The following ST18 variants were observed in gnomAD, a reference collection of about 807,000 sequenced individuals.
ST18 encodes ST18 C2H2C-type zinc finger transcription factor, also known as suppression of tumorigenicity 18 protein.
Under a neutral mutation model 110.0 loss-of-function variants are expected in ST18, and 50 were observed. The ratio of observed to expected loss-of-function variants is 0.45; its 90% CI spans 0.36 to 0.58. The LOEUF (loss-of-function observed/expected upper bound fraction) is 0.58. Among genes scored for constraint, ST18 ranks in the 20% least tolerant of loss-of-function variants. The probability of loss-of-function intolerance (pLI) is 0.00; values close to 1 mark genes in which losing one functional copy is unlikely to be tolerated. For missense variants in ST18, 1,306 were observed against 1,280.1 expected (o/e 1.02, Z -0.31); for synonymous variants, 461 against 452.4 (o/e 1.02, Z -0.24).
chr8:52,285,585 T>C (rs758176104), intron 2 of ST18, among the ~76,000 whole-genome samples: 11 of 152,152 alleles, frequency 7.2e-5, no homozygotes, highest in Non-Finnish European at 1.5e-4. Flanking sequence ...TGGCTGCCAA[T>C]GACAAGAAAC....
intron 2 of ST18, among the ~76,000 whole-genome samples, chr8:52,308,229 C>T (rs999975227): frequency 6.6e-6 from 1 of 152,198 alleles, no homozygotes. Flanking sequence ...GGCGAAAAAA[C>T]CACATCGGCT....
intron 9 of ST18, among the ~76,000 whole-genome samples, chr8:52,179,763 G>A (rs2068595555): frequency 6.6e-6 from 1 of 152,004 alleles, no homozygotes; most frequent in East Asian, 1.9e-4. Flanking sequence ...GTTTAAATAT[G>A]CCCTTGAATT....
At chr8:52,396,288 C>A (rs1841109239) in intron 2 of ST18, among the ~76,000 whole-genome samples, 2 of 152,048 alleles carry the variant, frequency 1.3e-5, no homozygotes, top group South Asian at 4.2e-4. Context: ...CTCCCCATTT[C>A]CTCCCCCACC....
chr8:52,383,101 C>G (rs16917793), intron 2 of ST18, among the ~76,000 whole-genome samples: 4,811 of 152,244 alleles, frequency 0.032, 253 homozygotes, highest in African/African-American at 0.11. Context: ...GAACTTGAAG[C>G]AAGCACTTAC....
At chr8:52,321,365 T>C (rs942597540) in intron 2 of ST18, among the ~76,000 whole-genome samples, 25 of 152,174 alleles carry the variant, frequency 1.6e-4, no homozygotes, top group Non-Finnish European at 2.9e-4. Context: ...TTAGCTCTAG[T>C]GTCATCTACA....
intron 2 of ST18, among the ~76,000 whole-genome samples, chr8:52,353,990 A>T (rs568315926): frequency 1.3e-5 from 2 of 152,228 alleles, no homozygotes; most frequent in African/African-American, 4.8e-5. Flanking sequence ...GGGCTAGCCC[A>T]CTCCACCTGC....
chr8:52,198,490 C>A (rs2076910706), intron 8 of ST18, among the ~76,000 whole-genome samples: 1 of 152,150 alleles, frequency 6.6e-6, no homozygotes, highest in South Asian at 2.1e-4. Context: ...TGGAATGCTT[C>A]CGTTTATCCA....
At chr8:52,240,528 T>G (rs945433961) in intron 2 of ST18, among the ~76,000 whole-genome samples, 1 of 152,230 alleles carries the variant, frequency 6.6e-6, no homozygotes, top group Non-Finnish European at 1.5e-5. Context: ...GGTTCTCCAC[T>G]GGGCTCACTT....
intron 8 of ST18, among the ~76,000 whole-genome samples, chr8:52,185,389 C>T (rs546742358): frequency 1.3e-5 from 2 of 152,088 alleles, no homozygotes; most frequent in Non-Finnish European, 2.9e-5. Flanking sequence ...ACCAATACCT[C>T]CAGAGGATAT....
At chr8:52,289,457 C>CA (rs2095520607) in intron 2 of ST18, among the ~76,000 whole-genome samples, 1 of 151,752 alleles carries the variant, frequency 6.6e-6, no homozygotes, top group South Asian at 2.1e-4. Flanking sequence ...TGTCTCAAAA[C>CA]AAAAAACAAA....
At chr8:52,366,138 C>T (rs187692312) in intron 2 of ST18, among the ~76,000 whole-genome samples, 2 of 152,196 alleles carry the variant, frequency 1.3e-5, no homozygotes, top group East Asian at 1.9e-4. Flanking sequence ...AGGACTTGAA[C>T]CCAGGAACGC....
intron 25 of ST18, among the ~76,000 whole-genome samples, chr8:52,114,148 T>C: frequency 6.6e-6 from 1 of 151,744 alleles, no homozygotes; most frequent in East Asian, 1.9e-4. Context: ...TTTTGTATTT[T>C]TATTAGAGAT....
intron 8 of ST18, among the ~76,000 whole-genome samples, chr8:52,193,248 G>A (rs893590767): frequency 1.3e-5 from 2 of 152,192 alleles, no homozygotes; most frequent in African/African-American, 4.8e-5. Flanking sequence ...CTGGAAAGGT[G>A]TAGATGTCTG....
At chr8:52,191,317 C>T (rs2074395314) in intron 8 of ST18, among the ~76,000 whole-genome samples, 1 of 152,150 alleles carries the variant, frequency 6.6e-6, no homozygotes, top group Non-Finnish European at 1.5e-5. Flanking sequence ...AAAAACAGCC[C>T]TAGTAGAGAC....
chr8:52,398,309 G>A (rs921971005), intron 2 of ST18, among the ~76,000 whole-genome samples: 3 of 152,142 alleles, frequency 2.0e-5, no homozygotes, highest in Non-Finnish European at 4.4e-5. Context: ...TTAGTTTTAA[G>A]AGTTTCTGTG....
intron 2 of ST18, among the ~76,000 whole-genome samples, chr8:52,288,300 G>T (rs926124418): frequency 1.3e-5 from 2 of 152,056 alleles, no homozygotes; most frequent in African/African-American, 4.8e-5. Context: ...TCAGAAGAAG[G>T]GCATGAGGAA....
chr8:52,315,401 C>T (rs2096005818), intron 2 of ST18, among the ~76,000 whole-genome samples: 1 of 152,186 alleles, frequency 6.6e-6, no homozygotes, highest in African/African-American at 2.4e-5. Context: ...ATCCACATGG[C>T]CCATTCCACC....
chr8:52,216,912 G>C (rs536829076), intron 6 of ST18, among the ~76,000 whole-genome samples: 4 of 152,148 alleles, frequency 2.6e-5, no homozygotes, highest in South Asian at 4.1e-4. Flanking sequence ...CCCCTGGGGT[G>C]GGGTGGAGGT....
In ST18 at chr8:52,334,707, G is replaced by GA. The variant is rs60834322; in HGVS notation, c.-465+74620dup. 2.5e-3 allele frequency among the ~76,000 whole-genome samples: 372 copies of GA among 149,868 alleles called. 7 individuals are homozygous for GA. The highest frequency in any genetic ancestry group is 0.02 in the Admixed American group (306 of 15,070). On this transcript the variant is annotated intron_variant, in intron 2 of 25. Coordinates refer to ENST00000689386, the MANE Select transcript of ST18 (RefSeq NM_001352837.2). The stretch of plus-strand genomic sequence containing the variant: ...TGGTATGTCTTCCAAAGGGAACTGT[G>GA]AAAAAAAAAATGTTTTCCTTAAAGC...
Sources: gnomAD v4.1 joint callset for allele counts (sites outside exome capture counted in the v4.1 genomes callset) on GRCh38, gnomAD v4.1.1 for gene constraint, MANE v1.5 for transcripts, NCBI Gene and HGNC (gene_info 2026-07-23, HGNC 2026-07-21) for gene names.